The following CAPN15 variants were observed in gnomAD, a reference collection of about 807,000 sequenced individuals.
The protein encoded by CAPN15 is calpain-15.
In CAPN15, 53 loss-of-function variants were observed where a neutral mutation model predicts 97.9. The ratio of observed to expected loss-of-function variants is 0.54; its 90% confidence interval spans 0.43 to 0.68. CAPN15 has a LOEUF of 0.68. Among genes scored for constraint, CAPN15 ranks in the 30% least tolerant of loss-of-function variants. The probability of loss-of-function intolerance (pLI) is 0.00; values close to 1 mark genes in which losing one functional copy is unlikely to be tolerated. For missense variants in CAPN15, 1,592 were observed against 1,589.8 expected, an observed-to-expected ratio of 1.00 and a Z score of -0.02; for synonymous variants, 922 against 722.5, an observed-to-expected ratio of 1.28 and a Z score of -4.43.
rs2035305214 is a variant in CAPN15 at position 554,377 on chromosome 16, G to A, written c.*861G>A. On this transcript the variant is annotated 3_prime_UTR_variant, in exon 14 of 14. Transcript: ENST00000219611. ...CCCTCCTGGCCCCTCACTCCCGGCA[G>A]CGGGCCGGCCTCGCCCCCACTCCCC... 1.0e-5 allele frequency: 4 copies of A among 393,664 alleles called. No homozygotes were observed. The highest frequency in any genetic ancestry group is 2.0e-5 in the Non-Finnish European group (4 of 197,972). 24.4% of individuals were successfully genotyped at this position (393,664 alleles called of 1,614,324 possible). A position where few individuals can be genotyped will look rare whatever the true frequency, so the allele number is the denominator to read the frequency against.
intron 2 of CAPN15, among the ~76,000 whole-genome samples, chr16:534,955 G>A (rs965876185): frequency 1.6e-4 from 25 of 152,264 alleles, no homozygotes; most frequent in Non-Finnish European, 2.8e-4. Context: ...TGTCACCTGC[G>A]GGGCAGGGGA....
In CAPN15 at chr16:552,646, C is replaced by T; in HGVS notation, c.2779C>T (p.Pro927Ser). Residue 927 changes from proline (P) to serine (S), a missense_variant, in exon 12 of 14, where the codon CCG (proline) becomes TCG (serine). Around this residue, in one of 3 missense-constraint regions of CAPN15, gnomAD observed 644 missense variants for 699.6 expected, o/e 0.92. Transcript: ENST00000219611. The surrounding 1 kb of genome is among the most constrained non-coding windows in gnomAD (Gnocchi z 6.4). ...AGGGGTCCCGAGAGCCTCCCCAGAG[C>T]CGCCGGGCCACGTGCTGGCTGTGTA... ...SAGVPRASPE[P>S]PGHVLAVYSS... 1 of 1,537,960 alleles carries T rather than the reference C, an allele frequency of 6.5e-7. No homozygotes were observed. Among genetic ancestry groups the T allele is most frequent in the South Asian group, 1.2e-5 (1 of 84,102 alleles).
intron 3 of CAPN15, among the ~76,000 whole-genome samples, chr16:542,893 A>AG (rs2034225154): frequency 6.6e-6 from 1 of 152,124 alleles, no homozygotes; most frequent in Non-Finnish European, 1.5e-5. Context: ...ATCTCTACTA[A>AG]AACAAAAATT....
chr16:537,396 T>C, intron 3 of CAPN15: 1 of 985,612 alleles, frequency 1.0e-6, no homozygotes, highest in Middle Eastern at 5.2e-4. Flanking sequence ...GGTAGGAGCC[T>C]GTGTTTCTAG....
At position 547,068 on chromosome 16, in the gene CAPN15, C is replaced by A; in HGVS notation, c.230C>A (p.Ala77Asp). The A allele has an allele frequency of 6.3e-7, 1 of 1,599,732 alleles. No homozygotes were observed. ...CGFTPEPAPG[A>D]AFLPVLNGVL... ...TTCACCCCGGAGCCTGCGCCTGGGG[C>A]TGCCTTCCTGCCAGTCCTCAACGGG... is the stretch of plus-strand genomic sequence containing the variant. Residue 77 changes from alanine (A) to aspartate (D), a missense_variant, in exon 4 of 14, where the codon GCT (alanine) becomes GAT (aspartate). This residue lies in a region of CAPN15 where 883 missense variants were observed against 776.6 expected (regional missense o/e 1.14). Coordinates refer to ENST00000219611, the MANE Select transcript of CAPN15 (RefSeq NM_005632.3).
At position 552,750 on chromosome 16, in the gene CAPN15, G is replaced by A. The variant is rs2035186252; in HGVS notation, c.2883G>A (p.Glu961=). 2.6e-6 allele frequency: 4 copies of A among 1,537,482 alleles called. No homozygotes were observed. The highest frequency in any genetic ancestry group is 3.5e-6 in the Non-Finnish European group (4 of 1,141,644). ...CCGACGCCATCATCCTGCTCACCGA[G>A]AGCCGCGGAGAGCGGCACGAGGTGG... The part of the protein sequence containing the change: ...TLADAIILLT[E]SRGERHEGRE... Residue 961 remains glutamate, a synonymous_variant, in exon 12 of 14, where the codon GAG becomes GAA. Coordinates refer to ENST00000219611, the MANE Select transcript of CAPN15 (RefSeq NM_005632.3). This position sits in a 1 kb window ranked among gnomAD's most constrained non-coding sequence, Gnocchi z 6.4.
chr16:536,052 C>T lies in CAPN15; in HGVS notation c.-113C>T, dbSNP rs759919876. On this transcript the variant is annotated 5_prime_UTR_variant, in exon 3 of 14. The change creates a new upstream start codon in the 5' untranslated region. Transcript: ENST00000219611. ...AGACAGGGAGCCAGGATGGGAACCA[C>T]GGACTGACCTGACCTGCGTCCTCGG... is the stretch of plus-strand genomic sequence containing the variant. The T allele has an allele frequency of 4.1e-5, 37 of 901,600 alleles. No homozygotes were observed. The highest frequency in any genetic ancestry group is 4.7e-5 in the Non-Finnish European group (36 of 768,404). The allele number at this position is 901,600 out of a possible 1,614,324, so 55.9% of individuals were successfully genotyped here. A position where few individuals can be genotyped will look rare whatever the true frequency, so the allele number is the denominator to read the frequency against.
At chr16:544,858 C>A (rs1162789997) in intron 3 of CAPN15, among the ~76,000 whole-genome samples, 1 of 101,052 alleles carries the variant, frequency 9.9e-6, no homozygotes, top group African/African-American at 6.3e-5. Context: ...CGTCGCCTCC[C>A]CCACGTCGCC....
At chr16:553,295 C>CAA in intron 13 of CAPN15, 44 bp from the exon 14 acceptor site, 1 of 1,324,668 alleles carries the variant, frequency 7.5e-7, no homozygotes, top group Non-Finnish European at 1.1e-6. Context: ...CTGCCCCCAT[C>CAA]CCCACCCTGC....
In CAPN15 at chr16:549,384, G is replaced by T; in HGVS notation, c.1755G>T (p.Val585=). 1 of 1,599,222 alleles carries T rather than the reference G, an allele frequency of 6.3e-7. No individual in the cohort carries two copies. Residue 585 remains valine, a synonymous_variant, in exon 6 of 14, where the codon GTG becomes GTT. Coordinates refer to ENST00000219611, the MANE Select transcript of CAPN15 (RefSeq NM_005632.3). ...RSLCAEGAYQ[V]RLCKDGTWTT... is the part of the protein sequence containing the mutation. ...TGTGTGCAGAGGGCGCCTACCAGGT[G>T]CGGCTGTGCAAGGACGGCACGTGGA...
Position 553,343 on chromosome 16 carries a change from G to C in CAPN15, c.3088G>C (p.Val1030Leu). Residue 1030 changes from valine (V) to leucine (L), a missense_variant, in exon 14 of 14, where the codon GTC (valine) becomes CTC (leucine). Transcript: ENST00000219611. ...QDSVPPLHRQ[V>L]LVILSQLEGN... ...CTCACCGGTCCCCTCCCCCAGGCAG[G>C]TCCTGGTGATCTTGTCCCAGCTAGA... 6.2e-7 allele frequency: 1 copy of C among 1,601,084 alleles called. No homozygotes were observed. The highest frequency in any genetic ancestry group is 8.5e-7 in the Non-Finnish European group (1 of 1,174,162).
rs1030944335 is a variant in CAPN15 at position 547,698 on chromosome 16, C to A, written c.860C>A (p.Ala287Glu). The change falls in exon 4 of 14, where the codon GCA (alanine) becomes GAA (glutamate). Residue 287 changes from alanine (A) to glutamate (E), a missense_variant. Ala to Glu is a moderately radical substitution (Grantham distance 107, BLOSUM62 -1). Coordinates refer to ENST00000219611, the MANE Select transcript of CAPN15 (RefSeq NM_005632.3). ...GGCTGGGCTGGGGCCTCCCGCCTAG[C>A]AGAGTTGCTGTCTGGCAAGCGGCTG... Reference protein sequence around the residue: ...GSGWAGASRLAELLSGKRLSV... With the variant: ...GSGWAGASRLEELLSGKRLSV... 1.1e-5 allele frequency: 17 copies of A among 1,597,102 alleles called. 1 individual carries two copies. In the Admixed American group the frequency reaches 2.4e-4, roughly 22 times the overall value.
In CAPN15 at chr16:547,384, G is replaced by C; in HGVS notation, c.546G>C (p.Leu182=). The change falls in exon 4 of 14, where the codon CTG becomes CTC. Residue 182 remains leucine (L), a synonymous_variant. Coordinates refer to ENST00000219611, the MANE Select transcript of CAPN15 (RefSeq NM_005632.3). ...LSLPRIPPEA[L]VVPEVVAPAG... ...TGCCACGGATCCCTCCTGAGGCCCT[G>C]GTGGTCCCGGAAGTGGTGGCCCCGG... is the stretch of plus-strand genomic sequence containing the variant. 6.4e-7 allele frequency: 1 copy of C among 1,558,954 alleles called. No homozygotes were observed. Among genetic ancestry groups the C allele is most frequent in the Non-Finnish European group, 8.6e-7 (1 of 1,159,538 alleles).
At position 552,526 on chromosome 16, in the gene CAPN15, C is replaced by T. The variant is rs1247735297; in HGVS notation, c.2733C>T (p.Pro911=). Residue 911 remains proline (P), a synonymous_variant, in exon 11 of 14, where the codon CCC becomes CCT. Coordinates refer to ENST00000219611, the MANE Select transcript of CAPN15 (RefSeq NM_005632.3). The surrounding 1 kb of genome is among the most constrained non-coding windows in gnomAD (Gnocchi z 6.4). The part of the protein sequence containing the change: ...WGPPLPGTPA[P]QASSPSAGVP... ...CGCCCCTGCCGGGCACCCCTGCCCC[C>T]CAGGGTACGTGGCCCCTACCCCAGG... 4 of 1,599,378 alleles carry T rather than the reference C, an allele frequency of 2.5e-6. No homozygotes were observed. Among genetic ancestry groups the T allele is most frequent in the Non-Finnish European group, 3.4e-6 (4 of 1,177,022 alleles).
In CAPN15 at chr16:547,124, G is replaced by A; in HGVS notation, c.286G>A (p.Glu96Lys). Residue 96 changes from glutamate (E) to lysine (K), a missense_variant, in exon 4 of 14, where the codon GAG (glutamate) becomes AAG (lysine). This residue lies in a region of CAPN15 where 883 missense variants were observed against 776.6 expected (regional missense o/e 1.14). Coordinates refer to ENST00000219611, the MANE Select transcript of CAPN15 (RefSeq NM_005632.3). ...VLPKPPAILG[E>K]PKGSCQEEAG... Reference sequence around the variant, plus strand: ...CCCCAAGCCACCCGCCATCCTGGGGGAGCCCAAGGGCAGCTGCCAGGAGGA... The same window carrying A: ...CCCCAAGCCACCCGCCATCCTGGGGAAGCCCAAGGGCAGCTGCCAGGAGGA... 1 of 1,567,764 alleles carries A rather than the reference G, an allele frequency of 6.4e-7. No individual in the cohort carries two copies. Among genetic ancestry groups the A allele is most frequent in the Non-Finnish European group, 8.6e-7 (1 of 1,158,574 alleles).
In CAPN15 at chr16:551,667, A is replaced by G; in HGVS notation, c.2345+3A>G. 6.3e-7 allele frequency: 1 copy of G among 1,588,472 alleles called. No homozygotes were observed. The highest frequency in any genetic ancestry group is 8.5e-7 in the Non-Finnish European group (1 of 1,170,228). On this transcript the variant is annotated splice_donor_region_variant and intron_variant, in intron 9 of 13. Transcript: ENST00000219611. The stretch of plus-strand genomic sequence containing the variant: ...ATGGAGTACGGCGACTTTGTCAGGT[A>G]TCGGCACCGTGGGGCGGTGTGCACG...
At chr16:528,641 C>A in intron 1 of CAPN15, 1 of 817,974 alleles carries the variant, frequency 1.2e-6, no homozygotes, top group Non-Finnish European at 1.5e-6. Flanking sequence ...ACCGGGGGAA[C>A]TCTTGTGTGG....
intron 6 of CAPN15, 22 bp downstream of exon 6, chr16:549,493 G>A: frequency 4.5e-6 from 7 of 1,561,076 alleles, no homozygotes; most frequent in Non-Finnish European, 6.0e-6. Flanking sequence ...TGCAGGGTGG[G>A]CACGGGCGGC....
chr16:552,888 A>T lies in CAPN15; in HGVS notation c.2930A>T (p.Tyr977Phe), dbSNP rs201505616. The T allele has an allele frequency of 1.2e-6, 2 of 1,608,892 alleles. No homozygotes were observed. Among genetic ancestry groups the T allele is most frequent in the Non-Finnish European group, 1.7e-6 (2 of 1,177,806 alleles). ...HEGREGMTCY[Y>F]LTHGWAGLIV... is the part of the protein sequence containing the mutation. ...GGCCGTGAGGGCATGACCTGCTACT[A>T]CCTGACACACGGTTGGGCGGGGCTC... The change falls in exon 13 of 14, where the codon TAC becomes TTC. Residue 977 changes from tyrosine to phenylalanine, a missense_variant. By Grantham distance (22) the Tyr-to-Phe change is conservative (BLOSUM62 3). Coordinates refer to ENST00000219611, the MANE Select transcript of CAPN15 (RefSeq NM_005632.3). This position sits in a 1 kb window ranked among gnomAD's most constrained non-coding sequence, Gnocchi z 6.4.
Sources: allele counts gnomAD v4.1 joint callset (sites outside exome capture counted in the v4.1 genomes callset), GRCh38; gene constraint gnomAD v4.1.1; regional missense constraint gnomAD v4.1.1; non-coding constraint Gnocchi (gnomAD v3.1); transcripts MANE v1.5; gene names NCBI Gene and HGNC (gene_info 2026-07-23, HGNC 2026-07-21).